The following SLC9A9 variants were observed in gnomAD, a reference collection of about 807,000 sequenced individuals.
The protein encoded by SLC9A9 is sodium/hydrogen exchanger 9.
A neutral mutation model predicts 77.8 loss-of-function variants in SLC9A9; 62 were observed. The ratio of observed to expected loss-of-function variants is 0.80; its 90% CI spans 0.65 to 0.98. SLC9A9 has a LOEUF of 0.98. Among genes scored for constraint, SLC9A9 ranks in the 50% least tolerant of loss-of-function variants. SLC9A9 has a pLI of 0.00. For missense variants in SLC9A9, 775 were observed against 774.9 expected (o/e 1.00, Z 0.00); for synonymous variants, 320 against 283.5 (o/e 1.13, Z -1.29).
chr3:143,808,790 T>C lies in SLC9A9; in HGVS notation c.379-11887A>G, dbSNP rs181607137. Among the ~76,000 whole-genome samples the C allele has an allele frequency of 2.4e-3, 358 of 152,306 alleles. 2 individuals are homozygous for C. The highest frequency in any genetic ancestry group is 4.2e-3 in the Non-Finnish European group (284 of 68,018). On this transcript the variant is annotated intron_variant, in intron 2 of 15. Transcript: ENST00000316549. ...ATGGACATAATAGTGTGGTACCTAA[T>C]TCTAAGATGGTTATAAGAATTAAAT...
intron 8 of SLC9A9, among the ~76,000 whole-genome samples, chr3:143,567,043 C>A (rs980041175): frequency 6.6e-6 from 1 of 152,036 alleles, no homozygotes; most frequent in Non-Finnish European, 1.5e-5. Context: ...GGCTCAGTAA[C>A]CTAATGACTT....
intron 6 of SLC9A9, among the ~76,000 whole-genome samples, chr3:143,595,830 G>T (rs537912393): frequency 1.3e-5 from 2 of 152,332 alleles, no homozygotes; most frequent in African/African-American, 2.4e-5. Flanking sequence ...GTGTACAGTT[G>T]CTTGGTTAGT....
At chr3:143,439,069 G>A (rs899422809) in intron 12 of SLC9A9, among the ~76,000 whole-genome samples, 9 of 152,212 alleles carry the variant, frequency 5.9e-5, no homozygotes, top group African/African-American at 2.2e-4. Context: ...TAAATGAGCA[G>A]TGTCTGTACC....
At position 143,467,119 on chromosome 3, in the gene SLC9A9, T is replaced by TAAA. The variant is rs2035293589; in HGVS notation, c.1384_1386dup (p.Phe462dup). ...AAGAACACGAGGAGCAGCGTAGTGG[T>TAAA]AAACATCATTTGTTTGGGCTGAGAT... On this transcript the variant is annotated inframe_insertion, in exon 12 of 16. Transcript: ENST00000316549. 7 of 1,614,174 alleles carry TAAA rather than the reference T, an allele frequency of 4.3e-6. No individual in the cohort carries two copies. The highest frequency in any genetic ancestry group is 5.1e-6 in the Non-Finnish European group (6 of 1,180,024).
intron 12 of SLC9A9, among the ~76,000 whole-genome samples, chr3:143,454,653 A>C (rs368919946): frequency 1.3e-5 from 2 of 152,120 alleles, no homozygotes; most frequent in East Asian, 3.9e-4. Flanking sequence ...ATGTGACTGG[A>C]TTTTCTGATT....
chr3:143,488,200 A>G (rs1416132662), intron 11 of SLC9A9, among the ~76,000 whole-genome samples: 2 of 151,982 alleles, frequency 1.3e-5, no homozygotes, highest in African/African-American at 4.8e-5. Context: ...AGATTAAAGC[A>G]TGAAGAAATG....
chr3:143,809,367 A>G (rs2008804708), intron 2 of SLC9A9, among the ~76,000 whole-genome samples: 1 of 152,260 alleles, frequency 6.6e-6, no homozygotes, highest in Non-Finnish European at 1.5e-5. Context: ...AATGGCATGC[A>G]GCATGCAAGG....
intron 4 of SLC9A9, among the ~76,000 whole-genome samples, chr3:143,728,372 G>C (rs1026416696): frequency 1.3e-5 from 2 of 152,142 alleles, no homozygotes; most frequent in Non-Finnish European, 2.9e-5. Flanking sequence ...TGAAGATCTA[G>C]GAGAAGAGCA....
At chr3:143,357,251 C>T (rs1294182649) in intron 14 of SLC9A9, among the ~76,000 whole-genome samples, 1 of 152,162 alleles carries the variant, frequency 6.6e-6, no homozygotes, top group Non-Finnish European at 1.5e-5. Context: ...TTCATCCCCC[C>T]ATGAAATTCT....
chr3:143,739,226 T>C (rs763138844), intron 4 of SLC9A9, among the ~76,000 whole-genome samples: 9 of 152,148 alleles, frequency 5.9e-5, no homozygotes, highest in Admixed American at 5.9e-4. Context: ...AAGGGGATTG[T>C]TATGAATAAT....
intron 8 of SLC9A9, among the ~76,000 whole-genome samples, chr3:143,570,199 A>G (rs2037235722): frequency 6.6e-6 from 1 of 152,198 alleles, no homozygotes; most frequent in Admixed American, 6.5e-5. Flanking sequence ...AAAAGTAACA[A>G]AGGGCATAAA....
At chr3:143,312,179 C>G (rs1318640264) in intron 14 of SLC9A9, among the ~76,000 whole-genome samples, 1 of 152,210 alleles carries the variant, frequency 6.6e-6, no homozygotes, top group African/African-American at 2.4e-5. Flanking sequence ...ATTTACTGAA[C>G]AAGAACTGGT....
intron 6 of SLC9A9, among the ~76,000 whole-genome samples, chr3:143,600,729 A>G (rs2037833211): frequency 6.6e-6 from 1 of 152,234 alleles, no homozygotes; most frequent in African/African-American, 2.4e-5. Context: ...TTTCATAGCT[A>G]TCATGAGGAG....
At chr3:143,366,227 C>G (rs998832100) in intron 13 of SLC9A9, among the ~76,000 whole-genome samples, 2 of 152,198 alleles carry the variant, frequency 1.3e-5, no homozygotes, top group Non-Finnish European at 2.9e-5. Context: ...CATTAACTCC[C>G]AGGCAGAATG....
At chr3:143,783,311 A>G (rs926292365) in intron 4 of SLC9A9, among the ~76,000 whole-genome samples, 2 of 152,112 alleles carry the variant, frequency 1.3e-5, no homozygotes, top group African/African-American at 4.8e-5. Context: ...ACAACAGGCA[A>G]CACTGAGGCT....
chr3:143,338,650 G>C (rs1219790215), intron 14 of SLC9A9, among the ~76,000 whole-genome samples: 1 of 152,138 alleles, frequency 6.6e-6, no homozygotes, highest in Admixed American at 6.5e-5. Context: ...CAACCACTGG[G>C]TAGAGGAAAA....
At chr3:143,406,773 C>T (rs1438630619) in intron 12 of SLC9A9, among the ~76,000 whole-genome samples, 4 of 151,788 alleles carry the variant, frequency 2.6e-5, no homozygotes, top group South Asian at 2.1e-4. Context: ...GTCAGGAGTT[C>T]GAGACCAGCC....
intron 12 of SLC9A9, among the ~76,000 whole-genome samples, chr3:143,427,956 T>G (rs560507492): frequency 7.9e-5 from 12 of 152,306 alleles, no homozygotes; most frequent in Admixed American, 6.5e-4. Flanking sequence ...ACTAAAGACT[T>G]AAATGCAGGA....
chr3:143,844,257 C>T (rs568554025), intron 1 of SLC9A9, among the ~76,000 whole-genome samples: 2 of 152,240 alleles, frequency 1.3e-5, no homozygotes, highest in Non-Finnish European at 1.5e-5. Flanking sequence ...TCTGCTTGAT[C>T]ACTTTTCTCT....
Sources: allele counts gnomAD v4.1 joint callset (sites outside exome capture counted in the v4.1 genomes callset), GRCh38; gene constraint gnomAD v4.1.1; transcripts MANE v1.5; gene names NCBI Gene and HGNC (gene_info 2026-07-23, HGNC 2026-07-21).